The following LAMA3 variants were observed in gnomAD, a reference collection of about 807,000 sequenced individuals.
LAMA3 encodes the protein laminin subunit alpha-3.
A neutral mutation model predicts 402.0 loss-of-function variants in LAMA3; 281 were observed. The ratio of observed to expected loss-of-function variants is 0.70; its 90% confidence interval spans 0.63 to 0.77. The LOEUF is 0.77. Ranked by LOEUF, LAMA3 falls within the 30% of genes least tolerant of loss-of-function variation. LAMA3 has a pLI of 0.00. For missense variants in LAMA3, 3,840 were observed against 4,215.5 expected (o/e 0.91, Z 2.47); for synonymous variants, 1,431 against 1,558.4 (o/e 0.92, Z 1.93).
chr18:23,750,003 C>T (rs1353996335), intron 4 of LAMA3, among the ~76,000 whole-genome samples: 1 of 152,176 alleles, frequency 6.6e-6, no homozygotes, highest in Non-Finnish European at 1.5e-5. Context: ...TGAGGTCCTA[C>T]AGAACGGCTG....
chr18:23,725,393 G>C (rs1598654365), intron 2 of LAMA3, among the ~76,000 whole-genome samples: 1 of 152,172 alleles, frequency 6.6e-6, no homozygotes, highest in South Asian at 2.1e-4. Context: ...TTACAGGCAT[G>C]AGCCACCGCG....
intron 2 of LAMA3, among the ~76,000 whole-genome samples, chr18:23,729,539 T>C (rs183532237): frequency 2.0e-5 from 3 of 152,352 alleles, no homozygotes; most frequent in Admixed American, 6.5e-5. Flanking sequence ...TGCTCTTTTG[T>C]GGTAGATAAT....
Position 23,838,782 on chromosome 18 carries a change from A to G in LAMA3, c.3095A>G (p.His1032Arg). 1 of 1,590,832 alleles carries G rather than the reference A, an allele frequency of 6.3e-7. No individual in the cohort carries two copies. The highest frequency in any genetic ancestry group is 1.1e-5 in the South Asian group (1 of 90,606). Reference protein sequence around the residue: ...LKGHMARFLLHQVCIIPIEEF... With the variant: ...LKGHMARFLLRQVCIIPIEEF... ...TTGTGCATTGTATTTGCTCACTAGC[A>G]TCAAGTTTGTATCATACCTATTGAA... is the stretch of plus-strand genomic sequence containing the variant. The change falls in exon 26 of 75, where the codon CAT becomes CGT. Residue 1032 changes from histidine (H) to arginine (R), a missense_variant and splice_region_variant. By Grantham distance (29) the His-to-Arg change is conservative (BLOSUM62 0). Around this residue, in one of 3 missense-constraint regions of LAMA3, gnomAD observed 2,109 missense variants for 2,376.0 expected, o/e 0.89. Coordinates refer to ENST00000313654, the MANE Select transcript of LAMA3 (RefSeq NM_198129.4).
chr18:23,739,781 A>T (rs183531897), intron 2 of LAMA3, among the ~76,000 whole-genome samples: 213 of 152,336 alleles, frequency 1.4e-3, no homozygotes, highest in Non-Finnish European at 2.3e-3. Flanking sequence ...ATCACTGAGA[A>T]ATATTTTGTT....
intron 2 of LAMA3, among the ~76,000 whole-genome samples, chr18:23,739,751 CTAATTTAGGACAAA>C (rs1315657907): frequency 6.6e-6 from 1 of 152,172 alleles, no homozygotes; most frequent in African/African-American, 2.4e-5. Context: ...CATTTAGAAT[CTAATTTAGGACAAA>C]TTATCATCAC....
chr18:23,689,660 G>A lies in LAMA3; in HGVS notation c.-24G>A, dbSNP rs2060539759. ...CCCGAGCCCCTCTGCGGACGGCTCAGGCGGGAGGACCCCGCGCGGCTGGAT... is the reference window on the plus strand; with the variant it reads ...CCCGAGCCCCTCTGCGGACGGCTCAAGCGGGAGGACCCCGCGCGGCTGGAT... On this transcript the variant is annotated 5_prime_UTR_variant, in exon 1 of 75. Transcript: ENST00000313654. 1.5e-6 allele frequency: 2 copies of A among 1,305,734 alleles called. No individual in the cohort carries two copies. The highest frequency in any genetic ancestry group is 1.9e-6 in the Non-Finnish European group (2 of 1,033,324). 80.9% of individuals were successfully genotyped at this position (1,305,734 alleles called of 1,614,324 possible).
At chr18:23,717,654 G>A (rs2061128967) in intron 2 of LAMA3, among the ~76,000 whole-genome samples, 1 of 140,436 alleles carries the variant, frequency 7.1e-6, no homozygotes, top group African/African-American at 2.7e-5. Flanking sequence ...CCAGGTTCAA[G>A]TGATTGCCTT....
chr18:23,801,027 A>G lies in LAMA3; in HGVS notation c.1604-9339A>G, dbSNP rs1017732336. On this transcript the variant is annotated intron_variant, in intron 12 of 74. Coordinates refer to ENST00000313654, the MANE Select transcript of LAMA3 (RefSeq NM_198129.4). ...TCTATTCACAATAACAAAGACATGG[A>G]ATCAATCTAGATGCCCATCGACAGT... 1.3e-5 allele frequency among the ~76,000 whole-genome samples: 2 copies of G among 152,244 alleles called. 1 individual carries two copies. Among genetic ancestry groups the G allele is most frequent in the Middle Eastern group, 6.8e-3 (2 of 294 alleles).
At chr18:23,880,199 A>G (rs1194727412) in intron 39 of LAMA3, among the ~76,000 whole-genome samples, 1 of 152,194 alleles carries the variant, frequency 6.6e-6, no homozygotes, top group Non-Finnish European at 1.5e-5. Context: ...CCCAGTGTCC[A>G]GACCTGAAGG....
chr18:23,834,210 A>G (rs904635754), intron 24 of LAMA3: 5 of 557,406 alleles, frequency 9.0e-6, no homozygotes, highest in East Asian at 3.2e-5. Context: ...AAAAAGCTGT[A>G]TGCTGTACTT....
Position 23,778,217 on chromosome 18 carries a change from G to C in LAMA3, c.1468+598G>C, listed in dbSNP as rs150222703. On this transcript the variant is annotated intron_variant, in intron 11 of 74. Transcript: ENST00000313654. ...AAGGGGTGAGTACTAGAGGATGTGG[G>C]TGTTACATTTACCAAATCATTTGTT... 2.6e-5 allele frequency among the ~76,000 whole-genome samples: 4 copies of C among 152,270 alleles called. No homozygotes were observed. In the East Asian group the frequency reaches 7.7e-4, roughly 29 times the overall value.
intron 9 of LAMA3, among the ~76,000 whole-genome samples, chr18:23,774,427 G>A (rs377693806): frequency 4.6e-5 from 7 of 152,066 alleles, no homozygotes; most frequent in African/African-American, 1.4e-4. Flanking sequence ...TTTTAGATAC[G>A]GAGAAACCAA....
chr18:23,746,538 C>T (rs2061654058), intron 2 of LAMA3, among the ~76,000 whole-genome samples: 1 of 152,180 alleles, frequency 6.6e-6, no homozygotes, highest in African/African-American at 2.4e-5. Flanking sequence ...GCCCCAAACT[C>T]AGCGAGCTTA....
chr18:23,873,284 G>A (rs1314981384), intron 38 of LAMA3: 3 of 1,365,058 alleles, frequency 2.2e-6, no homozygotes, highest in Non-Finnish European at 3.1e-6. Flanking sequence ...TTAAGTTACA[G>A]TTACGGTGAT....
intron 42 of LAMA3, among the ~76,000 whole-genome samples, chr18:23,894,047 G>A (rs1343989211): frequency 3.9e-5 from 6 of 152,138 alleles, no homozygotes; most frequent in Non-Finnish European, 8.8e-5. Context: ...GAGATGAGAA[G>A]GCTTCCTGGG....
At chr18:23,843,194 G>A (rs577580971) in intron 29 of LAMA3, among the ~76,000 whole-genome samples, 6 of 151,976 alleles carry the variant, frequency 3.9e-5, no homozygotes, top group Non-Finnish European at 8.8e-5. Flanking sequence ...CATCTTCCGT[G>A]CCCATCGATT....
intron 39 of LAMA3, among the ~76,000 whole-genome samples, chr18:23,881,124 A>C (rs911662915): frequency 6.6e-6 from 1 of 152,218 alleles, no homozygotes; most frequent in Non-Finnish European, 1.5e-5. Flanking sequence ...AAATAAACAA[A>C]TTTGACCCAA....
At position 23,795,990 on chromosome 18, in the gene LAMA3, G is replaced by C. The variant is rs927471867; in HGVS notation, c.1603+11833G>C. On this transcript the variant is annotated intron_variant, in intron 12 of 74. Coordinates refer to ENST00000313654, the MANE Select transcript of LAMA3 (RefSeq NM_198129.4). ...TATAAGAAGAGACACAAGATAGCTC[G>C]TTCACTCTCTCTCTCTCCCTCTACC... 17 of 345,270 alleles carry C rather than the reference G, an allele frequency of 4.9e-5. No homozygotes were observed. In the Admixed American group the frequency reaches 5.8e-4, roughly 12 times the overall value. The allele number at this position is 345,270 out of a possible 1,614,324, so 21.4% of individuals were successfully genotyped here.
chr18:23,840,060 G>T, intron 27 of LAMA3, 131 bp downstream of exon 27: 1 of 973,426 alleles, frequency 1.0e-6, no homozygotes, highest in Non-Finnish European at 1.6e-6. Context: ...TGGAAGCTCT[G>T]GGGGTGGGCC....
Sources: gnomAD v4.1 joint callset for allele counts (sites outside exome capture counted in the v4.1 genomes callset) on GRCh38, gnomAD v4.1.1 for gene constraint, gnomAD v4.1.1 regional missense constraint, MANE v1.5 for transcripts, NCBI Gene and HGNC (gene_info 2026-07-23, HGNC 2026-07-21) for gene names.